The following CNTNAP5 variants were observed in gnomAD, a reference collection of about 807,000 sequenced individuals.
CNTNAP5 encodes the protein contactin-associated protein-like 5.
CNTNAP5 carries 72 observed loss-of-function variants against 150.2 expected under a neutral mutation model. The observed-to-expected ratio is 0.48, with a 90% CI of 0.40 to 0.58. The LOEUF (loss-of-function observed/expected upper bound fraction) is 0.58. Ranked by LOEUF, CNTNAP5 falls within the 20% of genes least tolerant of loss-of-function variation. CNTNAP5 has a pLI of 0.00. For synonymous variants in CNTNAP5, 672 were observed against 619.8 expected, an observed-to-expected ratio of 1.08 and a Z score of -1.25; for missense variants, 1,636 against 1,626.2, an observed-to-expected ratio of 1.01 and a Z score of -0.10.
chr2:124,064,096 T>G (rs1457044252), intron 1 of CNTNAP5, among the ~76,000 whole-genome samples: 1 of 152,146 alleles, frequency 6.6e-6, no homozygotes, highest in Non-Finnish European at 1.5e-5. Context: ...AAACTCAATC[T>G]CTGATGACAC....
intron 1 of CNTNAP5, among the ~76,000 whole-genome samples, chr2:124,161,706 T>TG (rs1684683210): frequency 6.6e-6 from 1 of 151,902 alleles, no homozygotes; most frequent in Admixed American, 6.6e-5. Context: ...CAAATGCAGA[T>TG]CAAAAAAAAG....
chr2:124,444,525 G>A (rs183475985), intron 5 of CNTNAP5, among the ~76,000 whole-genome samples: 202 of 152,194 alleles, frequency 1.3e-3, no homozygotes, highest in African/African-American at 4.4e-3. Flanking sequence ...AACCCAGGAG[G>A]CAGGGGTTGC....
intron 13 of CNTNAP5, among the ~76,000 whole-genome samples, chr2:124,663,298 G>T (rs1396566827): frequency 6.6e-6 from 1 of 152,176 alleles, no homozygotes; most frequent in Admixed American, 6.5e-5. Flanking sequence ...GCCAAACCTA[G>T]ACTGGATTTT....
intron 1 of CNTNAP5, among the ~76,000 whole-genome samples, chr2:124,055,471 C>G (rs966534035): frequency 6.6e-6 from 1 of 152,124 alleles, no homozygotes. Flanking sequence ...CAGCCTATAT[C>G]CTGTTCAACT....
intron 5 of CNTNAP5, among the ~76,000 whole-genome samples, chr2:124,437,673 G>A (rs898315658): frequency 6.6e-6 from 1 of 151,996 alleles, no homozygotes; most frequent in Admixed American, 6.6e-5. Flanking sequence ...AAATACTGTT[G>A]TTTTCCTGTT....
At chr2:124,150,167 C>A (rs1301710669) in intron 1 of CNTNAP5, among the ~76,000 whole-genome samples, 1 of 152,132 alleles carries the variant, frequency 6.6e-6, no homozygotes, top group South Asian at 2.1e-4. Flanking sequence ...AAAAAAGGAA[C>A]AGCACCAGAA....
chr2:124,132,925 G>A (rs2104604867), intron 1 of CNTNAP5, among the ~76,000 whole-genome samples: 1 of 152,204 alleles, frequency 6.6e-6, no homozygotes, highest in African/African-American at 2.4e-5. Context: ...TCGCACCTCT[G>A]TCTAAGCTGC....
At chr2:124,897,341 G>T (rs773172828) in intron 21 of CNTNAP5, among the ~76,000 whole-genome samples, 1 of 151,354 alleles carries the variant, frequency 6.6e-6, no homozygotes, top group Non-Finnish European at 1.5e-5. Flanking sequence ...ATCTTTGCTG[G>T]TCTGCTAAAT....
chr2:124,647,549 G>C (rs1331206502), intron 12 of CNTNAP5, among the ~76,000 whole-genome samples: 2 of 152,166 alleles, frequency 1.3e-5, no homozygotes, highest in Non-Finnish European at 2.9e-5. Context: ...TGGGAAAAGG[G>C]CTCCGCAAAT....
intron 1 of CNTNAP5, among the ~76,000 whole-genome samples, chr2:124,216,423 T>C (rs931887856): frequency 6.6e-6 from 1 of 152,164 alleles, no homozygotes; most frequent in Non-Finnish European, 1.5e-5. Flanking sequence ...AGTTTCAGGG[T>C]ACATGTGCAC....
chr2:124,884,354 T>C (rs1438385987), intron 21 of CNTNAP5, among the ~76,000 whole-genome samples: 1 of 152,130 alleles, frequency 6.6e-6, no homozygotes, highest in East Asian at 1.9e-4. Context: ...TATGTATTCA[T>C]ATCTGGACAT....
At chr2:124,357,270 G>A (rs1329614295) in intron 3 of CNTNAP5, among the ~76,000 whole-genome samples, 4 of 152,158 alleles carry the variant, frequency 2.6e-5, no homozygotes, top group Non-Finnish European at 4.4e-5. Context: ...TGTTCACTCT[G>A]ATGGTAGTTT....
intron 3 of CNTNAP5, among the ~76,000 whole-genome samples, chr2:124,373,237 T>C (rs1026027421): frequency 3.3e-5 from 5 of 152,182 alleles, no homozygotes; most frequent in Non-Finnish European, 5.9e-5. Context: ...ACGAGAACTA[T>C]TATTTCTAAT....
intron 11 of CNTNAP5, among the ~76,000 whole-genome samples, chr2:124,606,779 C>T (rs561364635): frequency 6.6e-6 from 1 of 152,272 alleles, no homozygotes; most frequent in African/African-American, 2.4e-5. Flanking sequence ...TCTCTTGAGA[C>T]TCGTTAACTA....
chr2:124,340,875 C>T (rs1213851756), intron 3 of CNTNAP5, among the ~76,000 whole-genome samples: 1 of 146,630 alleles, frequency 6.8e-6, no homozygotes, highest in Non-Finnish European at 1.5e-5. Context: ...TGTATATACA[C>T]ATATATATAT....
At chr2:124,681,335 T>C (rs1410238329) in intron 13 of CNTNAP5, among the ~76,000 whole-genome samples, 1 of 149,478 alleles carries the variant, frequency 6.7e-6, no homozygotes, top group African/African-American at 2.5e-5. Context: ...GAGACAGCCA[T>C]GTTGTGGGCA....
chr2:124,074,602 A>T (rs1321600496), intron 1 of CNTNAP5, among the ~76,000 whole-genome samples: 1 of 152,070 alleles, frequency 6.6e-6, no homozygotes, highest in Non-Finnish European at 1.5e-5. Context: ...GACCAGGGGA[A>T]CCCTTGCCCT....
intron 3 of CNTNAP5, among the ~76,000 whole-genome samples, chr2:124,292,731 C>T (rs1688331450): frequency 1.3e-5 from 2 of 151,998 alleles, no homozygotes; most frequent in Non-Finnish European, 2.9e-5. Context: ...TGTTAAAAAC[C>T]TTATGCAAAA....
At chr2:124,179,694 G>A (rs980281799) in intron 1 of CNTNAP5, among the ~76,000 whole-genome samples, 3 of 152,082 alleles carry the variant, frequency 2.0e-5, no homozygotes, top group East Asian at 1.9e-4. Context: ...CAAGTTGCAC[G>A]GCATGGAAGG....
Sources: gnomAD v4.1 joint callset for allele counts (sites outside exome capture counted in the v4.1 genomes callset) on GRCh38, gnomAD v4.1.1 for gene constraint, MANE v1.5 for transcripts, NCBI Gene and HGNC (gene_info 2026-07-23, HGNC 2026-07-21) for gene names.